Variants in GRM8 observed in about 807,000 individuals in gnomAD.
The protein encoded by GRM8 is glutamate metabotropic receptor 8, also known as metabotropic glutamate receptor 8.
GRM8 carries 47 observed loss-of-function variants against 87.2 expected under a neutral mutation model. The observed-to-expected ratio is 0.54, with a 90% CI of 0.43 to 0.69. The LOEUF (loss-of-function observed/expected upper bound fraction) is 0.69, where lower values mean the gene tolerates loss of function less well. Among genes scored for constraint, GRM8 ranks in the 30% least tolerant of loss-of-function variants. The pLI is 0.00. For synonymous variants in GRM8, 396 were observed against 404.5 expected (o/e 0.98, Z 0.25); for missense variants, 1,019 against 1,139.2 (o/e 0.89, Z 1.52).
intron 2 of GRM8, among the ~76,000 whole-genome samples, chr7:127,217,352 C>CTAA (rs771596530): frequency 9.2e-5 from 14 of 152,132 alleles, no homozygotes; most frequent in Non-Finnish European, 1.8e-4. Flanking sequence ...ACCAAAGACC[C>CTAA]TAAAGAAAAG....
chr7:127,053,979 T>C (rs1029958549), intron 3 of GRM8, among the ~76,000 whole-genome samples: 1 of 152,184 alleles, frequency 6.6e-6, no homozygotes, highest in African/African-American at 2.4e-5. Context: ...ACAGTAACTC[T>C]GAGAGGTAGA....
At position 126,626,159 on chromosome 7, in the gene GRM8, C is replaced by T. The variant is rs1477707231; in HGVS notation, c.1358-16661G>A. ...ATATGGTCCAACCTTTTCAAATTTGCTGTACTAGGAAAAGGTCTTTCATCA... is the reference window on the plus strand; with the variant it reads ...ATATGGTCCAACCTTTTCAAATTTGTTGTACTAGGAAAAGGTCTTTCATCA... On this transcript the variant is annotated intron_variant, in intron 7 of 10. Transcript: ENST00000339582. Among the ~76,000 whole-genome samples, 9 of 148,718 alleles carry T rather than the reference C, an allele frequency of 6.1e-5. No homozygotes were observed. In the East Asian group the frequency reaches 1.6e-3, roughly 27 times the overall value.
intron 9 of GRM8, among the ~76,000 whole-genome samples, chr7:126,502,849 C>A (rs1471249435): frequency 3.9e-5 from 6 of 152,026 alleles, no homozygotes; most frequent in Non-Finnish European, 7.4e-5. Flanking sequence ...ACATGATCCA[C>A]AGACATAGGT....
chr7:127,141,471 A>G (rs780842717), intron 2 of GRM8, among the ~76,000 whole-genome samples: 1 of 152,180 alleles, frequency 6.6e-6, no homozygotes, highest in Non-Finnish European at 1.5e-5. Flanking sequence ...GTACAGAAAC[A>G]GGATCCCCAG....
intron 9 of GRM8, among the ~76,000 whole-genome samples, chr7:126,513,691 T>C (rs1030345456): frequency 2.6e-5 from 4 of 152,122 alleles, no homozygotes; most frequent in Non-Finnish European, 4.4e-5. Context: ...TAAGTAGGAC[T>C]GAAGTCAAGT....
chr7:126,796,161 G>T (rs966730737), intron 6 of GRM8, among the ~76,000 whole-genome samples: 1 of 151,952 alleles, frequency 6.6e-6, no homozygotes, highest in Non-Finnish European at 1.5e-5. Flanking sequence ...AATGAAGAAA[G>T]AACACAAATT....
intron 3 of GRM8, among the ~76,000 whole-genome samples, chr7:127,024,837 G>A (rs1185378830): frequency 2.0e-5 from 3 of 151,890 alleles, no homozygotes; most frequent in East Asian, 3.9e-4. Context: ...CCTCCTCAGG[G>A]CAACCCCACC....
chr7:127,159,571 G>GA (rs540110249), intron 2 of GRM8, among the ~76,000 whole-genome samples: 358 of 147,360 alleles, frequency 2.4e-3, no homozygotes, highest in African/African-American at 8.1e-3. Flanking sequence ...ATTTCTGGGA[G>GA]AAAAAAAAAA....
At position 127,243,130 on chromosome 7, in the gene GRM8, G is replaced by T. The variant is rs1246010371; in HGVS notation, c.75C>A (p.Leu25=). ...FLLTAKFYWI[L]TMMQRTHSQE... ...GGCTGTGAGTTCTTTGCATCATTGT[G>T]AGGATCCAGTAGAACTTGGCGGTCA... The change falls in exon 2 of 11, where the codon CTC becomes CTA. Residue 25 remains leucine, a synonymous_variant. Transcript: ENST00000339582. 3 of 1,613,758 alleles carry T rather than the reference G, an allele frequency of 1.9e-6. No individual in the cohort carries two copies. The highest frequency in any genetic ancestry group is 1.1e-5 in the South Asian group (1 of 91,074).
intron 3 of GRM8, among the ~76,000 whole-genome samples, chr7:126,927,072 T>G (rs1176930017): frequency 6.6e-6 from 1 of 152,246 alleles, no homozygotes; most frequent in Non-Finnish European, 1.5e-5. Flanking sequence ...CAGTCTCTGT[T>G]CAACGTCTTC....
intron 7 of GRM8, chr7:126,701,949 C>T (rs1809978708): frequency 2.9e-6 from 1 of 339,768 alleles, no homozygotes; most frequent in Admixed American, 3.4e-5. Flanking sequence ...TCATGCTACC[C>T]ATTTCTTTCT....
At chr7:127,166,116 T>G (rs1302109880) in intron 2 of GRM8, among the ~76,000 whole-genome samples, 2 of 152,168 alleles carry the variant, frequency 1.3e-5, no homozygotes, top group Non-Finnish European at 2.9e-5. Flanking sequence ...GTAATTGGGT[T>G]AATGGAATGA....
chr7:126,739,043 G>A (rs1814610469), intron 7 of GRM8, among the ~76,000 whole-genome samples: 1 of 152,002 alleles, frequency 6.6e-6, no homozygotes, highest in East Asian at 1.9e-4. Flanking sequence ...AAAGGAGAAG[G>A]AACCAGATTC....
chr7:126,970,249 C>T (rs1419083813), intron 3 of GRM8, among the ~76,000 whole-genome samples: 2 of 152,158 alleles, frequency 1.3e-5, no homozygotes, highest in African/African-American at 4.8e-5. Flanking sequence ...ATTGACTTCT[C>T]CTCCCTAGCT....
chr7:126,635,132 T>A (rs1000401560), intron 7 of GRM8, among the ~76,000 whole-genome samples: 4 of 152,186 alleles, frequency 2.6e-5, no homozygotes, highest in Non-Finnish European at 5.9e-5. Flanking sequence ...CCTCCCTCAG[T>A]GCCATGTCTA....
intron 6 of GRM8, among the ~76,000 whole-genome samples, chr7:126,799,730 G>A (rs993045658): frequency 6.6e-6 from 1 of 152,162 alleles, no homozygotes; most frequent in African/African-American, 2.4e-5. Context: ...AGTGGCTGAA[G>A]TGTGGCAGGC....
intron 3 of GRM8, among the ~76,000 whole-genome samples, chr7:127,070,830 C>T (rs963703977): frequency 6.6e-6 from 1 of 152,182 alleles, no homozygotes; most frequent in Non-Finnish European, 1.5e-5. Context: ...AAGACTGGAA[C>T]GTGTCTCTTG....
intron 7 of GRM8, among the ~76,000 whole-genome samples, chr7:126,726,868 A>G (rs578005398): frequency 6.6e-6 from 1 of 151,398 alleles, no homozygotes; most frequent in Admixed American, 6.6e-5. Context: ...TTGCTCCAAG[A>G]AAAAAAAACC....
rs189211580 is a variant in GRM8, at chr7:127,231,857, G to A, written c.510+10838C>T. Among the ~76,000 whole-genome samples the A allele has an allele frequency of 2.0e-3, 222 of 108,428 alleles. 1 individual carries two copies. Among genetic ancestry groups the A allele is most frequent in the Non-Finnish European group, 2.9e-3 (156 of 53,668 alleles). 71.1% of individuals were successfully genotyped at this position (108,428 alleles called of 152,430 possible). On this transcript the variant is annotated intron_variant, in intron 2 of 10. Transcript: ENST00000339582. ...GTGGCCTCTGTAAGCCAGAATTGGT[G>A]ATTTTTTTCTTTTTCTTTTTTTTTT...
Sources: gnomAD v4.1 joint callset for allele counts (sites outside exome capture counted in the v4.1 genomes callset) on GRCh38, gnomAD v4.1.1 for gene constraint, MANE v1.5 for transcripts, NCBI Gene and HGNC (gene_info 2026-07-23, HGNC 2026-07-21) for gene names.